The following ATIC variants were observed in gnomAD, a reference collection of about 807,000 sequenced individuals.
ATIC encodes bifunctional purine biosynthesis protein ATIC.
A neutral mutation model predicts 72.5 loss-of-function variants in ATIC; 64 were observed. The ratio of observed to expected loss-of-function variants is 0.88; its 90% confidence interval spans 0.72 to 1.09. The LOEUF (loss-of-function observed/expected upper bound fraction) is 1.09, where lower values mean the gene tolerates loss of function less well. ATIC is among the 50% of genes least tolerant of loss of function. The pLI, the probability that ATIC is intolerant of heterozygous loss-of-function variation, is 0.00. For missense variants in ATIC, 787 were observed against 732.4 expected (o/e 1.07, Z -0.86); for synonymous variants, 281 against 267.1 (o/e 1.05, Z -0.51).
the ATIC span, chr2:215,363,543 G>C: frequency 6.6e-6 from 1 of 152,264 alleles, no homozygotes; most frequent in African/African-American, 2.4e-5. Context: ...AGCCAAGACA[G>C]GCCCCTGAAC....
chr2:215,329,959 A>G (rs2052871949), intron 7 of ATIC, among the ~76,000 whole-genome samples: 1 of 152,140 alleles, frequency 6.6e-6, no homozygotes, highest in Admixed American at 6.6e-5. Flanking sequence ...ACAGAGTTTC[A>G]CCATATTGGC....
chr2:215,366,406 C>G, the ATIC span, among the ~76,000 whole-genome samples: 1 of 152,138 alleles, frequency 6.6e-6, no homozygotes. Context: ...CAGCTGATCT[C>G]TACACGCCAC....
chr2:215,328,718 C>CT (rs112676407), intron 7 of ATIC, among the ~76,000 whole-genome samples: 34,997 of 137,586 alleles, frequency 0.25, 4,745 homozygotes, highest in East Asian at 0.5. Context: ...TGGCAGCTTC[C>CT]TTTTTTTTTT....
intron 14 of ATIC, chr2:215,347,255 C>G: frequency 2.5e-6 from 1 of 402,534 alleles, no homozygotes; most frequent in Non-Finnish European, 4.7e-6. Context: ...TGCTTTTCAC[C>G]TACGTCGAGG....
At chr2:215,361,392 A>T in the ATIC span, 2 of 730,518 alleles carry the variant, frequency 2.7e-6, no homozygotes, top group Admixed American at 1.9e-5. Flanking sequence ...TCCCAGGGTG[A>T]TGCTTGGAGA....
chr2:215,337,076 G>T (rs1317723630), intron 11 of ATIC, among the ~76,000 whole-genome samples: 1 of 94,438 alleles, frequency 1.1e-5, no homozygotes, highest in Non-Finnish European at 1.9e-5. Flanking sequence ...CTACTAAGTT[G>T]TTGTTGGCTT....
At chr2:215,333,262 TG>T in intron 8 of ATIC, 87 bp from the exon 9 acceptor site, 1 of 1,066,226 alleles carries the variant, frequency 9.4e-7, no homozygotes, top group Non-Finnish European at 1.5e-6. Flanking sequence ...CTGCGTAGAC[TG>T]GGTGTTAAGA....
chr2:215,337,506 AC>A (rs1355378285), intron 11 of ATIC, among the ~76,000 whole-genome samples: 13 of 152,084 alleles, frequency 8.5e-5, no homozygotes, highest in African/African-American at 2.9e-4. Context: ...ACCTGGGACT[AC>A]AGGCATGTAC....
chr2:215,365,008 T>TG, the ATIC span: 1 of 1,447,086 alleles, frequency 6.9e-7, no homozygotes, highest in Non-Finnish European at 9.5e-7. Context: ...ACAAGACAGA[T>TG]GCACGCATAA....
chr2:215,317,708 C>CA (rs1326699632), intron 2 of ATIC, among the ~76,000 whole-genome samples: 4 of 152,134 alleles, frequency 2.6e-5, no homozygotes, highest in African/African-American at 9.7e-5. Flanking sequence ...AGGCTGGTCT[C>CA]AAACTCCCCT....
intron 12 of ATIC, among the ~76,000 whole-genome samples, chr2:215,340,518 G>T (rs1386790110): frequency 6.6e-6 from 1 of 152,162 alleles, no homozygotes; most frequent in African/African-American, 2.4e-5. Context: ...TGAGTGCTAG[G>T]CATTGGGTAT....
intron 7 of ATIC, among the ~76,000 whole-genome samples, chr2:215,331,957 G>A (rs191874959): frequency 1.2e-4 from 19 of 152,158 alleles, no homozygotes; most frequent in Non-Finnish European, 5.9e-5. Context: ...TTCTTACATC[G>A]ATAGGGTTTA....
chr2:215,363,242 G>T, the ATIC span: 3 of 152,136 alleles, frequency 2.0e-5, no homozygotes, highest in Non-Finnish European at 2.9e-5. Flanking sequence ...AAGGTTTCAT[G>T]TGCATAAATA....
chr2:215,340,184 G>A (rs902002477), intron 12 of ATIC, among the ~76,000 whole-genome samples: 3 of 152,106 alleles, frequency 2.0e-5, no homozygotes, highest in Admixed American at 6.5e-5. Context: ...GTAAGGACAC[G>A]TTCCTAGGAT....
chr2:215,342,009 G>A (rs139165537), intron 12 of ATIC, among the ~76,000 whole-genome samples: 30 of 151,384 alleles, frequency 2.0e-4, no homozygotes, highest in African/African-American at 7.1e-4. Flanking sequence ...AATGCCAGAC[G>A]CTTACTGTCA....
At chr2:215,333,813 C>T (rs1035771313) in intron 9 of ATIC, among the ~76,000 whole-genome samples, 1 of 151,952 alleles carries the variant, frequency 6.6e-6, no homozygotes. Flanking sequence ...GAGGCTGAGG[C>T]GGGCAGATCA....
At chr2:215,343,724 A>T (rs772317744) in intron 12 of ATIC, among the ~76,000 whole-genome samples, 28 of 152,172 alleles carry the variant, frequency 1.8e-4, no homozygotes, top group Admixed American at 5.2e-4. Flanking sequence ...CCTAGTTCGT[A>T]GCTTGTCTTT....
chr2:215,332,481 C>T lies in ATIC; in HGVS notation c.788C>T (p.Ala263Val), dbSNP rs1415050767. ...GAGGCTTTAGGTATTCCAGCCGCTG[C>T]CTCTTTCAAACATGTCAGCCCAGCA... Reference protein sequence around the residue: ...LKEALGIPAAASFKHVSPAGA... With the variant: ...LKEALGIPAAVSFKHVSPAGA... Residue 263 changes from alanine (A) to valine (V), a missense_variant, in exon 8 of 16, where the codon GCC (alanine) becomes GTC (valine). Physicochemically the swap from Ala to Val is moderately conservative, Grantham distance 64. Transcript: ENST00000236959. 1 of 1,614,090 alleles carries T rather than the reference C, an allele frequency of 6.2e-7. No individual in the cohort carries two copies. The highest frequency in any genetic ancestry group is 8.5e-7 in the Non-Finnish European group (1 of 1,180,022).
chr2:215,320,582 A>G (rs1341407425), intron 4 of ATIC, among the ~76,000 whole-genome samples: 1 of 151,950 alleles, frequency 6.6e-6, no homozygotes, highest in Non-Finnish European at 1.5e-5. Flanking sequence ...TTCTTAATTT[A>G]ATTTAATTTT....
Sources: gnomAD v4.1 joint callset for allele counts (sites outside exome capture counted in the v4.1 genomes callset) on GRCh38, gnomAD v4.1.1 for gene constraint, MANE v1.5 for transcripts, NCBI Gene and HGNC (gene_info 2026-07-23, HGNC 2026-07-21) for gene names.